ROBO1: variants seen among roughly 807,000 people sequenced by gnomAD.
ROBO1 encodes the protein roundabout homolog 1.
ROBO1 carries 149 observed loss-of-function variants against 195.9 expected under a neutral mutation model. The observed-to-expected ratio is 0.76, with a 90% confidence interval of 0.67 to 0.87. ROBO1 has a LOEUF of 0.87. Ranked by LOEUF, ROBO1 falls within the 40% of genes least tolerant of loss-of-function variation. ROBO1 has a pLI of 0.00. For synonymous variants in ROBO1, 816 were observed against 733.2 expected, an observed-to-expected ratio of 1.11 and a Z score of -1.82; for missense variants, 1,933 against 2,068.3, an observed-to-expected ratio of 0.93 and a Z score of 1.27.
At chr3:78,965,279 C>T (rs980978293) in intron 3 of ROBO1, among the ~76,000 whole-genome samples, 2 of 152,118 alleles carry the variant, frequency 1.3e-5, no homozygotes, top group African/African-American at 4.8e-5. Flanking sequence ...AGCACACTTA[C>T]ATTCAAGATT....
At chr3:79,052,782 C>T (rs2078728359) in intron 3 of ROBO1, among the ~76,000 whole-genome samples, 1 of 152,102 alleles carries the variant, frequency 6.6e-6, no homozygotes, top group South Asian at 2.1e-4. Context: ...TTCCCAAGTG[C>T]ATGTGGGAAC....
At chr3:79,128,405 T>C (rs565442912) in intron 2 of ROBO1, among the ~76,000 whole-genome samples, 438 of 152,254 alleles carry the variant, frequency 2.9e-3, no homozygotes, top group African/African-American at 0.01. Context: ...CCATTTTACA[T>C]TGAATCCAAA....
Position 79,336,534 on chromosome 3 carries a change from C to G in ROBO1, c.89-210995G>C, listed in dbSNP as rs143586875. On this transcript the variant is annotated intron_variant, in intron 2 of 30. Coordinates refer to ENST00000464233, the MANE Select transcript of ROBO1 (RefSeq NM_002941.4). ...AAGAATTGAGGTTTGGGAACCTCCA[C>G]TTAGATTTCAGAGGATGTATGGAAA... Among the ~76,000 whole-genome samples, 11 of 152,312 alleles carry G rather than the reference C, an allele frequency of 7.2e-5. No individual in the cohort carries two copies. In the East Asian group the frequency reaches 1.9e-3, roughly 27 times the overall value.
At chr3:79,478,899 T>C (rs981487800) in intron 2 of ROBO1, among the ~76,000 whole-genome samples, 1 of 152,144 alleles carries the variant, frequency 6.6e-6, no homozygotes, top group African/African-American at 2.4e-5. Flanking sequence ...TTGGCAACTA[T>C]TGCTGAATTA....
intron 2 of ROBO1, among the ~76,000 whole-genome samples, chr3:79,361,026 T>A (rs2035748741): frequency 6.6e-6 from 1 of 152,026 alleles, no homozygotes; most frequent in African/African-American, 2.4e-5. Flanking sequence ...AAACTTCGAG[T>A]TAAGAAACTT....
At chr3:78,932,499 T>C (rs2039584694) in intron 4 of ROBO1, among the ~76,000 whole-genome samples, 1 of 152,182 alleles carries the variant, frequency 6.6e-6, no homozygotes, top group Non-Finnish European at 1.5e-5. Flanking sequence ...GGATAGTGTA[T>C]CCAGTAATAC....
chr3:78,644,994 G>C (rs902113894), intron 21 of ROBO1, among the ~76,000 whole-genome samples: 3 of 152,100 alleles, frequency 2.0e-5, no homozygotes, highest in Non-Finnish European at 4.4e-5. Context: ...GAATGTCTGG[G>C]CTGTGATTTA....
At chr3:79,638,907 T>A (rs1022111957) in intron 1 of ROBO1, among the ~76,000 whole-genome samples, 1 of 152,062 alleles carries the variant, frequency 6.6e-6, no homozygotes, top group Admixed American at 6.6e-5. Context: ...GAAAGAAAAA[T>A]CCCATGATTT....
intron 4 of ROBO1, among the ~76,000 whole-genome samples, chr3:78,935,275 CT>C (rs1280806632): frequency 6.6e-6 from 1 of 151,966 alleles, no homozygotes; most frequent in African/African-American, 2.4e-5. Context: ...AGATGTCTGC[CT>C]AGTCTGGAGG....
At chr3:78,974,435 T>C (rs1289025248) in intron 3 of ROBO1, among the ~76,000 whole-genome samples, 1 of 152,104 alleles carries the variant, frequency 6.6e-6, no homozygotes, top group African/African-American at 2.4e-5. Flanking sequence ...TTTAGACAGA[T>C]GGTGTCAACA....
intron 29 of ROBO1, among the ~76,000 whole-genome samples, chr3:78,602,376 C>A (rs1257040842): frequency 1.3e-5 from 2 of 152,164 alleles, no homozygotes; most frequent in Non-Finnish European, 2.9e-5. Flanking sequence ...TTCCTGAGGT[C>A]TCCTCAGAAG....
At chr3:79,227,853 C>T (rs761988618) in intron 2 of ROBO1, among the ~76,000 whole-genome samples, 9 of 152,098 alleles carry the variant, frequency 5.9e-5, no homozygotes, top group Non-Finnish European at 1.0e-4. Flanking sequence ...CATGTTTATT[C>T]GAGTGGTCTC....
intron 1 of ROBO1, among the ~76,000 whole-genome samples, chr3:79,634,322 T>C (rs116589761): frequency 2.9e-3 from 441 of 152,226 alleles, no homozygotes; most frequent in African/African-American, 9.9e-3. Flanking sequence ...CACAGCAGAA[T>C]TGACCAGCAC....
At chr3:78,660,176 C>T (rs1707307326) in intron 16 of ROBO1, 1 of 168,852 alleles carries the variant, frequency 5.9e-6, no homozygotes, top group Non-Finnish European at 1.3e-5. Flanking sequence ...CCGCCTCAGC[C>T]TCCTAAAGTG....
At chr3:79,679,852 G>A (rs767495944) in intron 1 of ROBO1, among the ~76,000 whole-genome samples, 1 of 151,966 alleles carries the variant, frequency 6.6e-6, no homozygotes, top group Non-Finnish European at 1.5e-5. Context: ...CAATCCATTA[G>A]TAAAGGAAGG....
chr3:79,347,827 G>A (rs1214009138), intron 2 of ROBO1, among the ~76,000 whole-genome samples: 1 of 152,160 alleles, frequency 6.6e-6, no homozygotes, highest in Non-Finnish European at 1.5e-5. Context: ...GCCCACTTAG[G>A]TGAATCAGAA....
At chr3:79,739,318 G>A (rs1465102216) in intron 1 of ROBO1, among the ~76,000 whole-genome samples, 1 of 152,048 alleles carries the variant, frequency 6.6e-6, no homozygotes, top group Non-Finnish European at 1.5e-5. Context: ...ATGATATCTG[G>A]AAAATGTTTA....
chr3:79,499,511 T>TTTACATTTACATTTAC, intron 2 of ROBO1, among the ~76,000 whole-genome samples: 1 of 152,360 alleles, frequency 6.6e-6, no homozygotes, highest in South Asian at 2.1e-4. Context: ...TACATTGTGG[T>TTTACATTTACATTTAC]ATATACTGTC....
intron 3 of ROBO1, among the ~76,000 whole-genome samples, chr3:78,943,172 T>A (rs1466295714): frequency 6.7e-6 from 1 of 150,334 alleles, no homozygotes; most frequent in African/African-American, 2.5e-5. Context: ...GCCAAGATCG[T>A]GCCACTGCAC....
Sources: allele counts gnomAD v4.1 joint callset (sites outside exome capture counted in the v4.1 genomes callset), GRCh38; gene constraint gnomAD v4.1.1; transcripts MANE v1.5; gene names NCBI Gene and HGNC (gene_info 2026-07-23, HGNC 2026-07-21).